MMS19: variants seen among roughly 807,000 people sequenced by gnomAD.
MMS19 encodes the protein MMS19 nucleotide excision repair protein homolog.
In MMS19, 77 loss-of-function variants were observed where a neutral mutation model predicts 129.8. The ratio of observed to expected loss-of-function variants is 0.59; its 90% CI spans 0.49 to 0.72. The LOEUF (loss-of-function observed/expected upper bound fraction) is 0.72. Ranked by LOEUF, MMS19 falls within the 30% of genes least tolerant of loss-of-function variation. The probability of loss-of-function intolerance (pLI) is 0.00; values close to 1 mark genes in which losing one functional copy is unlikely to be tolerated. For missense variants in MMS19, 1,168 were observed against 1,266.3 expected, an observed-to-expected ratio of 0.92 and a Z score of 1.18; for synonymous variants, 491 against 502.8, an observed-to-expected ratio of 0.98 and a Z score of 0.31.
rs28987106 is a variant in MMS19 at position 97,488,014 on chromosome 10, G to A, written c.113-3863C>T. On this transcript the variant is annotated intron_variant, in intron 1 of 30. Coordinates refer to ENST00000438925, the MANE Select transcript of MMS19 (RefSeq NM_022362.5). ...TGAGGGACAAGAATCACTTGATTCC[G>A]GGAGGCAGAGGTTGCAGTGAGCCGA... Among the ~76,000 whole-genome samples the A allele has an allele frequency of 2.6e-3, 403 of 152,196 alleles. 3 individuals are homozygous for A. The highest frequency in any genetic ancestry group is 8.7e-3 in the African/African-American group (360 of 41,518).
chr10:97,476,451 C>G (rs752746749), intron 8 of MMS19, among the ~76,000 whole-genome samples: 1 of 152,200 alleles, frequency 6.6e-6, no homozygotes, highest in Non-Finnish European at 1.5e-5. Flanking sequence ...AATCCTGTAG[C>G]CTTCAGCACT....
chr10:97,459,862 G>T, intron 26 of MMS19, 121 bp from the exon 27 acceptor site: 1 of 1,002,444 alleles, frequency 1.0e-6, no homozygotes, highest in Non-Finnish European at 1.5e-6. Flanking sequence ...AGCCCTTCAC[G>T]CTCAGAATAA....
intron 18 of MMS19, 28 bp from the exon 19 acceptor site, chr10:97,464,041 G>A: frequency 1.3e-6 from 2 of 1,599,464 alleles, no homozygotes; most frequent in Non-Finnish European, 1.7e-6. Flanking sequence ...TTCTCTGTAA[G>A]GTTTGCTTAA....
intron 23 of MMS19, 143 bp downstream of exon 23, chr10:97,461,353 G>T: frequency 1.0e-6 from 1 of 990,876 alleles, no homozygotes. Context: ...TTTCCCACGG[G>T]CAGTCCCAGG....
chr10:97,476,886 G>GT lies in MMS19; in HGVS notation c.570_571insA (p.Leu191ThrfsTer9). The GT allele has an allele frequency of 1.2e-6, 2 of 1,613,986 alleles. No individual in the cohort carries two copies. The highest frequency in any genetic ancestry group is 1.7e-6 in the Non-Finnish European group (2 of 1,179,872). On this transcript the variant is annotated frameshift_variant, in exon 7 of 31. Coordinates refer to ENST00000438925, the MANE Select transcript of MMS19 (RefSeq NM_022362.5). LOFTEE classifies it high-confidence loss of function. ...TCATGGACGATGCGGAAGGCCACCAGAAGATTACGGGGATCCTTTTCCCCA... is the reference window on the plus strand; with the variant it reads ...TCATGGACGATGCGGAAGGCCACCAGTAAGATTACGGGGATCCTTTTCCCCA...
intron 1 of MMS19, among the ~76,000 whole-genome samples, chr10:97,491,537 C>T (rs181111119): frequency 7.0e-4 from 107 of 152,222 alleles, no homozygotes; most frequent in Middle Eastern, 6.8e-3. Flanking sequence ...TAGTGGCATG[C>T]GCCTGTAGTC....
Position 97,468,379 on chromosome 10 carries a change from T to G in MMS19, c.1091A>C (p.Asp364Ala), listed in dbSNP as rs761771953. Reference protein sequence around the residue: ...QDCRHHLCEPDMKLVWPSAKL... With the variant: ...QDCRHHLCEPAMKLVWPSAKL... ...GGCACTAGGCCACACCAGTTTCATG[T>G]CCGGTTCACACAGGTGGTGCCTGCA... The change falls in exon 13 of 31, where the codon GAC (aspartate) becomes GCC (alanine). Residue 364 changes from aspartate to alanine, a missense_variant. Physicochemically the swap from Asp to Ala is moderately radical, Grantham distance 126 (BLOSUM62 -2). Coordinates refer to ENST00000438925, the MANE Select transcript of MMS19 (RefSeq NM_022362.5). The G allele has an allele frequency of 1.9e-6, 3 of 1,611,404 alleles. No homozygotes were observed. Among genetic ancestry groups the G allele is most frequent in the Non-Finnish European group, 2.5e-6 (3 of 1,178,290 alleles).
At chr10:97,464,691 A>ATTT (rs756050923) in intron 18 of MMS19, among the ~76,000 whole-genome samples, 1 of 138,750 alleles carries the variant, frequency 7.2e-6, no homozygotes, top group African/African-American at 2.7e-5. Context: ...TACCTAGGTA[A>ATTT]TTTTTTTTTT....
intron 1 of MMS19, 111 bp downstream of exon 1, chr10:97,498,162 G>A (rs1245276179): frequency 5.8e-6 from 6 of 1,034,100 alleles, no homozygotes; most frequent in Non-Finnish European, 6.9e-6. Context: ...CCAGCCTTGA[G>A]ACCAATCTCT....
At position 97,458,579 on chromosome 10, in the gene MMS19, G is replaced by T; in HGVS notation, c.*113C>A. ...AACAGAGGCCTAGCATTTGTGCTGT[G>T]TCTGTGGGAAAGGCAGTCAGAGACC... On this transcript the variant is annotated 3_prime_UTR_variant, in exon 31 of 31. Coordinates refer to ENST00000438925, the MANE Select transcript of MMS19 (RefSeq NM_022362.5). 1 of 1,029,358 alleles carries T rather than the reference G, an allele frequency of 9.7e-7. No individual in the cohort carries two copies. Among genetic ancestry groups the T allele is most frequent in the Non-Finnish European group, 1.4e-6 (1 of 704,546 alleles). The allele number at this position is 1,029,358 out of a possible 1,614,324, so 63.8% of individuals were successfully genotyped here.
At chr10:97,498,507 C>T, upstream of MMS19, 1 of 1,396,364 alleles carries the variant, frequency 7.2e-7, no homozygotes, top group Admixed American at 2.3e-5. Context: ...GGTCACGTGC[C>T]TGCCGGCTTC....
chr10:97,488,790 T>C (rs2038364743), intron 1 of MMS19, among the ~76,000 whole-genome samples: 1 of 152,218 alleles, frequency 6.6e-6, no homozygotes, highest in South Asian at 2.1e-4. Context: ...CTAACTGTAC[T>C]GTGAAAGTGC....
chr10:97,482,337 G>A (rs1036912672), intron 2 of MMS19, among the ~76,000 whole-genome samples: 10 of 152,076 alleles, frequency 6.6e-5, no homozygotes, highest in Non-Finnish European at 8.8e-5. Context: ...TCCATAAAAC[G>A]GGAATATTAT....
intron 1 of MMS19, among the ~76,000 whole-genome samples, chr10:97,490,741 T>A (rs1160020155): frequency 6.6e-6 from 1 of 152,196 alleles, no homozygotes; most frequent in Non-Finnish European, 1.5e-5. Flanking sequence ...AGCACCACAG[T>A]AAGAAGTCGT....
intron 25 of MMS19, chr10:97,460,454 C>G: frequency 3.2e-6 from 2 of 618,382 alleles, no homozygotes; most frequent in Non-Finnish European, 5.7e-6. Flanking sequence ...CCCTGTAGTC[C>G]CAGCTACTTG....
At chr10:97,472,146 G>A (rs1334615686) in intron 8 of MMS19, among the ~76,000 whole-genome samples, 2 of 152,150 alleles carry the variant, frequency 1.3e-5, no homozygotes, top group African/African-American at 4.8e-5. Context: ...CCAAACATCA[G>A]TTTATAGAGA....
chr10:97,462,383 T>C (rs1412542199), intron 20 of MMS19, among the ~76,000 whole-genome samples, 200 bp downstream of exon 20: 1 of 152,234 alleles, frequency 6.6e-6, no homozygotes, highest in Admixed American at 6.5e-5. Flanking sequence ...TAAGAACCAC[T>C]GGCCCTGGCT....
At chr10:97,466,982 T>G in intron 14 of MMS19, 81 bp from the exon 15 acceptor site, 2 of 1,545,806 alleles carry the variant, frequency 1.3e-6, no homozygotes, top group Non-Finnish European at 1.8e-6. Flanking sequence ...ACAGCCAACC[T>G]GGGGTAGATT....
At chr10:97,476,660 C>T (rs778399323) in intron 8 of MMS19, 23 bp downstream of exon 8, 60 of 1,611,368 alleles carry the variant, frequency 3.7e-5, no homozygotes, top group Non-Finnish European at 2.5e-6. Context: ...AATATATGAT[C>T]AAACAATGAA....
Sources: allele counts gnomAD v4.1 joint callset (sites outside exome capture counted in the v4.1 genomes callset), GRCh38; gene constraint gnomAD v4.1.1; transcripts MANE v1.5; gene names NCBI Gene and HGNC (gene_info 2026-07-23, HGNC 2026-07-21).